The following NCOA2 variants were observed in gnomAD, a reference collection of about 807,000 sequenced individuals.
The protein encoded by NCOA2 is class E basic helix-loop-helix protein 75.
NCOA2 carries 21 observed loss-of-function variants against 145.1 expected under a neutral mutation model. The observed-to-expected ratio is 0.14, with a 90% CI of 0.10 to 0.21. NCOA2 has a LOEUF of 0.21. NCOA2 is among the 10% of genes least tolerant of loss of function. The pLI, the probability that NCOA2 is intolerant of heterozygous loss-of-function variation, is 1.00. For missense variants in NCOA2, 1,472 were observed against 1,837.6 expected (o/e 0.80, Z 3.64); for synonymous variants, 619 against 637.5 (o/e 0.97, Z 0.44).
chr8:70,133,419 C>T (rs1809385538), intron 15 of NCOA2, among the ~76,000 whole-genome samples: 1 of 151,890 alleles, frequency 6.6e-6, no homozygotes, highest in Non-Finnish European at 1.5e-5. Context: ...GAGACAGGGT[C>T]TTGCTACATT....
intron 1 of NCOA2, among the ~76,000 whole-genome samples, chr8:70,309,932 G>C (rs1828178931): frequency 6.6e-6 from 1 of 151,952 alleles, no homozygotes. Flanking sequence ...CCAGCATGGA[G>C]ACAGAGCAAG....
chr8:70,144,505 G>C (rs1057035183), intron 13 of NCOA2, 137 bp downstream of exon 13: 2 of 721,880 alleles, frequency 2.8e-6, no homozygotes, highest in African/African-American at 3.6e-5. Flanking sequence ...GTGAAAATCT[G>C]TAGAATTTTC....
chr8:70,284,355 C>A (rs1398257987), intron 2 of NCOA2, among the ~76,000 whole-genome samples: 2 of 152,104 alleles, frequency 1.3e-5, no homozygotes, highest in Non-Finnish European at 2.9e-5. Context: ...TAGATGGAGG[C>A]AAGGAAGTAG....
intron 1 of NCOA2, among the ~76,000 whole-genome samples, chr8:70,319,055 T>C (rs1315017700): frequency 6.6e-6 from 1 of 152,212 alleles, no homozygotes; most frequent in African/African-American, 2.4e-5. Flanking sequence ...AAGTAAACTT[T>C]CCACATTAAC....
At chr8:70,313,564 A>C (rs1805304777) in intron 1 of NCOA2, among the ~76,000 whole-genome samples, 1 of 152,184 alleles carries the variant, frequency 6.6e-6, no homozygotes, top group African/African-American at 2.4e-5. Context: ...CTCTAGTCTC[A>C]AACCTCACCC....
chr8:70,442,116 G>GAAGA, the NCOA2 span, among the ~76,000 whole-genome samples: 3,900 of 82,396 alleles, frequency 0.047, 139 homozygotes, highest in African/African-American at 0.083. Flanking sequence ...GAGAAAGAAA[G>GAAGA]AAGAAAGAAA....
chr8:70,163,361 C>G, intron 8 of NCOA2, 104 bp downstream of exon 8: 1 of 766,954 alleles, frequency 1.3e-6, no homozygotes, highest in African/African-American at 1.8e-5. Context: ...GCAGCAATTG[C>G]TAGTACTAGC....
At chr8:70,303,349 A>G (rs909249759) in intron 1 of NCOA2, among the ~76,000 whole-genome samples, 2 of 152,218 alleles carry the variant, frequency 1.3e-5, no homozygotes, top group African/African-American at 4.8e-5. Context: ...CAAGAGGAAG[A>G]CCAGCAAAGA....
intron 1 of NCOA2, among the ~76,000 whole-genome samples, chr8:70,344,453 T>C (rs1363708094): frequency 2.0e-5 from 3 of 152,222 alleles, no homozygotes; most frequent in African/African-American, 7.2e-5. Context: ...TCTGCCCACC[T>C]CATCTGCTCC....
At chr8:70,453,309 G>C in the NCOA2 span, among the ~76,000 whole-genome samples, 3 of 152,216 alleles carry the variant, frequency 2.0e-5, no homozygotes, top group African/African-American at 7.2e-5. Flanking sequence ...GGGGCAGGTA[G>C]ACAGCAAGGA....
At chr8:70,376,392 A>C (rs1003302251) in intron 1 of NCOA2, among the ~76,000 whole-genome samples, 10 of 150,374 alleles carry the variant, frequency 6.7e-5, no homozygotes, top group Non-Finnish European at 1.0e-4. Context: ...CACACACACA[A>C]ACGTGTGTAT....
At chr8:70,260,527 T>C (rs1563692408) in intron 2 of NCOA2, among the ~76,000 whole-genome samples, 1 of 152,224 alleles carries the variant, frequency 6.6e-6, no homozygotes, top group Non-Finnish European at 1.5e-5. Flanking sequence ...TAGAGTCTAA[T>C]GAGGATGAAG....
chr8:70,249,825 G>A (rs1463914025), intron 2 of NCOA2, among the ~76,000 whole-genome samples: 1 of 151,534 alleles, frequency 6.6e-6, no homozygotes, highest in Non-Finnish European at 1.5e-5. Context: ...TTAGATGGGC[G>A]TGGTGGTGTG....
At chr8:70,277,566 T>C (rs922543274) in intron 2 of NCOA2, among the ~76,000 whole-genome samples, 5 of 152,202 alleles carry the variant, frequency 3.3e-5, no homozygotes, top group Non-Finnish European at 7.4e-5. Context: ...AATGGTGTTC[T>C]TTGGTAATGT....
At chr8:70,344,397 C>T (rs1808419353) in intron 1 of NCOA2, among the ~76,000 whole-genome samples, 1 of 152,202 alleles carries the variant, frequency 6.6e-6, no homozygotes, top group African/African-American at 2.4e-5. Flanking sequence ...AGTTCTCAGC[C>T]CAAGCCAGCC....
At chr8:70,261,622 T>A (rs189972068) in intron 2 of NCOA2, among the ~76,000 whole-genome samples, 16 of 152,148 alleles carry the variant, frequency 1.1e-4, no homozygotes, top group African/African-American at 3.9e-4. Flanking sequence ...GACTGTCAAG[T>A]AAAAGTTTCT....
intron 4 of NCOA2, among the ~76,000 whole-genome samples, chr8:70,213,599 G>A (rs1212989539): frequency 1.3e-5 from 2 of 152,068 alleles, no homozygotes; most frequent in Non-Finnish European, 2.9e-5. Context: ...TGCTGTGTAT[G>A]CCTTGAAAAT....
upstream of NCOA2, among the ~76,000 whole-genome samples, chr8:70,404,501 C>T (rs1159558108): frequency 1.3e-5 from 2 of 152,204 alleles, no homozygotes; most frequent in Admixed American, 1.3e-4. Context: ...GCCGCTGCTC[C>T]CCGGAGGCGC....
In NCOA2 at chr8:70,363,089, A is replaced by AAAAAC. The variant is rs1250604489; in HGVS notation, c.-77+40610_-77+40611insGTTTT. Among the ~76,000 whole-genome samples, 426 of 150,144 alleles carry AAAAAC rather than the reference A, an allele frequency of 2.8e-3. 4 individuals carry two copies. The highest frequency in any genetic ancestry group is 0.01 in the African/African-American group (415 of 40,754). ...TTAAGACTCTGTCTTTAAAAAAAAAAAAAAAAAAAAAAGGCCTGGCACGGT... is the reference window on the plus strand; with the variant it reads ...TTAAGACTCTGTCTTTAAAAAAAAAAAAAACAAAAAAAAAAAAGGCCTGGCACGGT... On this transcript the variant is annotated intron_variant, in intron 1 of 22. Coordinates refer to ENST00000452400, the MANE Select transcript of NCOA2 (RefSeq NM_006540.4).
Sources: gnomAD v4.1 joint callset for allele counts (sites outside exome capture counted in the v4.1 genomes callset) on GRCh38, gnomAD v4.1.1 for gene constraint, MANE v1.5 for transcripts, NCBI Gene and HGNC (gene_info 2026-07-23, HGNC 2026-07-21) for gene names.